Variants in ATF2 observed in about 807,000 individuals in gnomAD.
ATF2 encodes activating transcription factor 2.
ATF2 carries 24 observed loss-of-function variants against 60.6 expected under a neutral mutation model. The ratio of observed to expected loss-of-function variants is 0.40; its 90% CI spans 0.29 to 0.56. The LOEUF (loss-of-function observed/expected upper bound fraction) is 0.56. Among genes scored for constraint, ATF2 ranks in the 20% least tolerant of loss-of-function variants. ATF2 has a pLI of 0.54. For synonymous variants in ATF2, 206 were observed against 215.4 expected (o/e 0.96, Z 0.38); for missense variants, 433 against 607.7 (o/e 0.71, Z 3.02).
In ATF2 at chr2:175,082,235, T is replaced by C. The variant is rs13423213; in HGVS notation, c.1186-1470A>G. Among the ~76,000 whole-genome samples the C allele has an allele frequency of 1.8e-3, 274 of 152,222 alleles. 2 individuals are homozygous for C. Among genetic ancestry groups the C allele is most frequent in the African/African-American group, 5.8e-3 (242 of 41,534 alleles). ...ACTGTATTTAAGTACAGAACAAAAA[T>C]TGATGCTCATAATAACTCTAAACCG... is the stretch of plus-strand genomic sequence containing the variant. On this transcript the variant is annotated intron_variant, in intron 12 of 13. Coordinates refer to ENST00000264110, the MANE Select transcript of ATF2 (RefSeq NM_001880.4).
At chr2:175,124,258 A>C (rs1439630186) in intron 4 of ATF2, among the ~76,000 whole-genome samples, 1 of 148,390 alleles carries the variant, frequency 6.7e-6, no homozygotes, top group African/African-American at 2.5e-5. Context: ...TTGAGTATAT[A>C]GCTCAATAAA....
intron 2 of ATF2, among the ~76,000 whole-genome samples, chr2:175,142,370 T>A (rs1478026542): frequency 6.6e-6 from 1 of 152,026 alleles, no homozygotes; most frequent in Non-Finnish European, 1.5e-5. Context: ...GGTTTCACCA[T>A]GTTGGCCAGG....
chr2:175,093,198 C>G lies in ATF2; in HGVS notation c.1048G>C (p.Asp350His). 1 of 1,614,100 alleles carries G rather than the reference C, an allele frequency of 6.2e-7. No homozygotes were observed. The highest frequency in any genetic ancestry group is 8.5e-7 in the Non-Finnish European group (1 of 1,180,008). Reference sequence around the variant, plus strand: ...AACTTTCTCCTTTTTTCATCAGGATCTTCGTTAGCTGCTCTTCTCCGACGA... The same window carrying G: ...AACTTTCTCCTTTTTTCATCAGGATGTTCGTTAGCTGCTCTTCTCCGACGA... ...SGRRRRAANE[D>H]PDEKRRKFLE... The change falls in exon 12 of 14, where the codon GAT becomes CAT. Residue 350 changes from aspartate to histidine, a missense_variant. Physicochemically the swap from Asp to His is moderately conservative, Grantham distance 81. This residue lies in a region of ATF2 where 246 missense variants were observed against 309.3 expected (regional missense o/e 0.80). Transcript: ENST00000264110.
At chr2:175,163,282 C>T (rs1357444599) in intron 1 of ATF2, among the ~76,000 whole-genome samples, 1 of 152,070 alleles carries the variant, frequency 6.6e-6, no homozygotes, top group East Asian at 1.9e-4. Flanking sequence ...GGTTTCGGTT[C>T]TGCTAGCAAA....
chr2:175,106,323 G>C (rs573053944), intron 10 of ATF2, among the ~76,000 whole-genome samples: 5 of 152,094 alleles, frequency 3.3e-5, no homozygotes, highest in Admixed American at 6.5e-5. Context: ...CTTAGGTCAG[G>C]AGTTTGAGAC....
chr2:175,136,979 G>C (rs1324921466), intron 2 of ATF2, among the ~76,000 whole-genome samples: 1 of 152,102 alleles, frequency 6.6e-6, no homozygotes, highest in Non-Finnish European at 1.5e-5. Context: ...ACAGTATACT[G>C]AAACTACTCA....
intron 2 of ATF2, among the ~76,000 whole-genome samples, chr2:175,139,530 G>A (rs1698362416): frequency 2.6e-5 from 4 of 151,930 alleles, no homozygotes; most frequent in Admixed American, 2.6e-4. Flanking sequence ...AAATTAGTCG[G>A]GTGTGGTGGT....
intron 2 of ATF2, among the ~76,000 whole-genome samples, chr2:175,140,969 C>T (rs1403934186): frequency 1.6e-5 from 2 of 127,944 alleles, no homozygotes; most frequent in Non-Finnish European, 3.1e-5. Flanking sequence ...TACACTCCAG[C>T]CTGGGGGATA....
At chr2:175,162,890 T>C (rs1574518188) in intron 1 of ATF2, among the ~76,000 whole-genome samples, 1 of 152,024 alleles carries the variant, frequency 6.6e-6, no homozygotes, top group African/African-American at 2.4e-5. Flanking sequence ...TCCCAGCACT[T>C]TGGGAGGCCG....
rs751165068 is a variant in ATF2, at chr2:175,130,164, G to C, written c.76C>G (p.Leu26Val). Residue 26 changes from leucine (L) to valine (V), a missense_variant, in exon 4 of 14, where the codon CTA (leucine) becomes GTA (valine). Around this residue, in one of 5 missense-constraint regions of ATF2, gnomAD observed 29 missense variants for 102.1 expected, o/e 0.28. Transcript: ENST00000264110. ...TGGCCACATCCAGGCGCAGTACATA[G>C]AAAGGGTTTGTCATCACTCATATTC... ...LWNMSDDKPF[L>V]CTAPGCGQRF... The C allele has an allele frequency of 2.5e-6, 4 of 1,596,438 alleles. No individual in the cohort carries two copies. Among genetic ancestry groups the C allele is most frequent in the Non-Finnish European group, 3.4e-6 (4 of 1,171,378 alleles).
intron 1 of ATF2, among the ~76,000 whole-genome samples, chr2:175,164,873 T>C (rs1279736701): frequency 1.3e-5 from 2 of 152,256 alleles, no homozygotes; most frequent in Non-Finnish European, 2.9e-5. Flanking sequence ...TTGTTTTGTT[T>C]TGAGATGCAG....
intron 10 of ATF2, among the ~76,000 whole-genome samples, chr2:175,103,677 T>TGAAAAAAAAAAA (rs942562528): frequency 7.7e-6 from 1 of 129,878 alleles, no homozygotes. Flanking sequence ...TCACACATCT[T>TGAAAAAAAAAAA]AAAAAAAAAA....
chr2:175,122,572 A>C (rs533924354), intron 4 of ATF2, among the ~76,000 whole-genome samples: 3 of 152,184 alleles, frequency 2.0e-5, no homozygotes, highest in Admixed American at 2.0e-4. Flanking sequence ...CTTTAGGGTT[A>C]CCTTAAACAC....
At chr2:175,090,402 G>T (rs1003363240) in intron 12 of ATF2, among the ~76,000 whole-genome samples, 1 of 151,930 alleles carries the variant, frequency 6.6e-6, no homozygotes, top group African/African-American at 2.4e-5. Context: ...ATTCATCTTG[G>T]ATGGACATTT....
chr2:175,105,275 A>C (rs1359132263), intron 10 of ATF2, among the ~76,000 whole-genome samples: 1 of 151,820 alleles, frequency 6.6e-6, no homozygotes, highest in Admixed American at 6.6e-5. Context: ...AATAATCATT[A>C]TGTGTACAAG....
chr2:175,123,047 G>A (rs1033371182), intron 4 of ATF2, among the ~76,000 whole-genome samples: 1 of 151,952 alleles, frequency 6.6e-6, no homozygotes, highest in African/African-American at 2.4e-5. Flanking sequence ...TCCACTACTT[G>A]ACATATTCAT....
intron 1 of ATF2, among the ~76,000 whole-genome samples, chr2:175,161,373 A>C (rs1189148123): frequency 6.6e-6 from 1 of 152,230 alleles, no homozygotes; most frequent in Non-Finnish European, 1.5e-5. Context: ...AATTCCCACA[A>C]CACAAACTGA....
chr2:175,158,518 T>C (rs540301107), intron 1 of ATF2, among the ~76,000 whole-genome samples: 53 of 152,252 alleles, frequency 3.5e-4, no homozygotes, highest in African/African-American at 1.3e-3. Context: ...ATGGATATTT[T>C]AAATGGATAA....
intron 5 of ATF2, among the ~76,000 whole-genome samples, chr2:175,120,373 A>G (rs1696871043): frequency 1.3e-5 from 2 of 150,690 alleles, no homozygotes; most frequent in African/African-American, 4.9e-5. Context: ...CTTAGTTAGG[A>G]TATGTTGGAA....
Sources: gnomAD v4.1 joint callset for allele counts (sites outside exome capture counted in the v4.1 genomes callset) on GRCh38, gnomAD v4.1.1 for gene constraint, gnomAD v4.1.1 regional missense constraint, MANE v1.5 for transcripts, NCBI Gene and HGNC (gene_info 2026-07-23, HGNC 2026-07-21) for gene names.